Variants in IDE observed in about 807,000 individuals in gnomAD.
IDE encodes the protein insulin-degrading enzyme.
In IDE, 58 loss-of-function variants were observed where a neutral mutation model predicts 133.2. The ratio of observed to expected loss-of-function variants is 0.44; its 90% CI spans 0.35 to 0.54. The LOEUF is 0.54. IDE is among the 20% of genes least tolerant of loss of function. The pLI, the probability that IDE is intolerant of heterozygous loss-of-function variation, is 0.00. For missense variants in IDE, 981 were observed against 1,234.0 expected (o/e 0.79, Z 3.07); for synonymous variants, 396 against 421.3 (o/e 0.94, Z 0.73).
At chr10:92,522,547 A>ATGGC (rs1164037142) in intron 4 of IDE, among the ~76,000 whole-genome samples, 13 of 152,300 alleles carry the variant, frequency 8.5e-5, no homozygotes, top group African/African-American at 3.1e-4. Flanking sequence ...TTCCCCTTGA[A>ATGGC]TGGCTCTTCC....
chr10:92,546,926 T>C (rs1162506723), intron 1 of IDE, among the ~76,000 whole-genome samples: 1 of 152,230 alleles, frequency 6.6e-6, no homozygotes, highest in African/African-American at 2.4e-5. Flanking sequence ...AGGATTTGAA[T>C]GAGAAAAATT....
intron 1 of IDE, 79 bp downstream of exon 1, chr10:92,573,843 G>GA (rs1843921699): frequency 4.9e-6 from 5 of 1,017,402 alleles, no homozygotes; most frequent in Non-Finnish European, 5.4e-6. Context: ...TTTAAGTGCT[G>GA]AATCACCACT....
At chr10:92,461,819 C>G (rs1309139952) in intron 21 of IDE, among the ~76,000 whole-genome samples, 6 of 152,078 alleles carry the variant, frequency 3.9e-5, no homozygotes, top group Non-Finnish European at 7.4e-5. Context: ...CGCCCGCCAC[C>G]ATGCCCAGCT....
At chr10:92,561,613 T>G (rs935251211) in intron 1 of IDE, among the ~76,000 whole-genome samples, 4 of 148,612 alleles carry the variant, frequency 2.7e-5, no homozygotes, top group African/African-American at 1.0e-4. Flanking sequence ...AAAAAAAAAA[T>G]TAGCTGGGCG....
intron 4 of IDE, 44 bp downstream of exon 4, chr10:92,531,704 G>C (rs547383798): frequency 8.4e-7 from 1 of 1,193,470 alleles, no homozygotes; most frequent in African/African-American, 1.5e-5. Flanking sequence ...CTATGCAGTG[G>C]CCATGGGTTT....
chr10:92,559,261 G>A (rs563179510), intron 1 of IDE: 3 of 152,274 alleles, frequency 2.0e-5, no homozygotes, highest in African/African-American at 7.2e-5. Context: ...TAGCAATTCC[G>A]CTCCTATGCA....
chr10:92,506,359 ATT>A (rs1848292766), intron 10 of IDE, 81 bp downstream of exon 10: 1 of 626,886 alleles, frequency 1.6e-6, no homozygotes. Context: ...AATTGTAATC[ATT>A]CACTTATTAC....
Position 92,508,176 on chromosome 10 carries a change from T to C in IDE, c.1090A>G (p.Lys364Glu), listed in dbSNP as rs1282676857. 5 of 1,613,868 alleles carry C rather than the reference T, an allele frequency of 3.1e-6. No homozygotes were observed. In the African/African-American group the frequency reaches 4.0e-5, roughly 13 times the overall value. ...GWVNTLVGGQ[K>E]EGARGFMFFI... ...AACATAAAACCTCGGGCTCCTTCCTTCTGCCCACCAACAAGAGTATTAACC... is the reference window on the plus strand; with the variant it reads ...AACATAAAACCTCGGGCTCCTTCCTCCTGCCCACCAACAAGAGTATTAACC... Residue 364 changes from lysine to glutamate, a missense_variant, in exon 8 of 25, where the codon AAG becomes GAG. Lys to Glu is a moderately conservative substitution (Grantham distance 56). Around this residue, in one of 2 missense-constraint regions of IDE, gnomAD observed 660 missense variants for 894.7 expected, o/e 0.74. Coordinates refer to ENST00000265986, the MANE Select transcript of IDE (RefSeq NM_004969.4).
intron 1 of IDE, among the ~76,000 whole-genome samples, chr10:92,542,724 T>C (rs570304473): frequency 2.7e-4 from 41 of 152,316 alleles, no homozygotes; most frequent in Non-Finnish European, 4.9e-4. Context: ...AGGGAATTCG[T>C]GAGCGAAGCC....
chr10:92,568,326 T>C (rs889354269), intron 1 of IDE, among the ~76,000 whole-genome samples: 1 of 152,152 alleles, frequency 6.6e-6, no homozygotes, highest in Non-Finnish European at 1.5e-5. Context: ...ATGACTGCCA[T>C]TCAGCAGTGA....
intron 4 of IDE, among the ~76,000 whole-genome samples, chr10:92,529,535 T>G (rs1849801196): frequency 6.6e-6 from 1 of 152,220 alleles, no homozygotes; most frequent in Non-Finnish European, 1.5e-5. Flanking sequence ...CCATGCAATG[T>G]ATCTCTTTGC....
rs1490994353 is a variant in IDE, at chr10:92,452,346, A to C, written c.*2098T>G. On this transcript the variant is annotated 3_prime_UTR_variant, in exon 25 of 25. Transcript: ENST00000265986. ...TTTCACATCAACTGGTCAAAAAAGAAGACTTTCTTAAGAAGCCTCAGGTAA... is the reference window on the plus strand; with the variant it reads ...TTTCACATCAACTGGTCAAAAAAGACGACTTTCTTAAGAAGCCTCAGGTAA... 6.6e-6 allele frequency: 1 copy of C among 152,246 alleles called. No homozygotes were observed. Among genetic ancestry groups the C allele is most frequent in the Admixed American group, 6.5e-5 (1 of 15,284 alleles). 9.4% of individuals were successfully genotyped at this position (152,246 alleles called of 1,614,324 possible).
chr10:92,556,269 T>C (rs1000521126), intron 1 of IDE, among the ~76,000 whole-genome samples: 2 of 151,834 alleles, frequency 1.3e-5, no homozygotes, highest in Non-Finnish European at 2.9e-5. Flanking sequence ...ATCAATTGTA[T>C]TTCCATACAG....
rs765538082 is a variant in IDE, at chr10:92,479,635, G to A, written c.1740-214C>T. ...AGTGTGTGTGTGTGTGTGTGCATGC[G>A]TGCGTGTGTGCGTGCGCACTGGTAG... is the stretch of plus-strand genomic sequence containing the variant. On this transcript the variant is annotated intron_variant, in intron 14 of 24. Coordinates refer to ENST00000265986, the MANE Select transcript of IDE (RefSeq NM_004969.4). The A allele has an allele frequency of 2.9e-5, 13 of 455,220 alleles. 1 individual carries two copies. Among genetic ancestry groups the A allele is most frequent in the East Asian group, 1.0e-4 (3 of 29,380 alleles). 28.2% of individuals were successfully genotyped at this position (455,220 alleles called of 1,614,324 possible). A position where few individuals can be genotyped will look rare whatever the true frequency, so the allele number is the denominator to read the frequency against.
chr10:92,565,309 C>T (rs1488877687), intron 1 of IDE, among the ~76,000 whole-genome samples: 6 of 147,058 alleles, frequency 4.1e-5, no homozygotes, highest in Non-Finnish European at 8.9e-5. Context: ...ATTGCAGCTA[C>T]TCAGGAGGCT....
chr10:92,508,696 G>A, intron 7 of IDE, 32 bp downstream of exon 7: 2 of 1,597,654 alleles, frequency 1.3e-6, no homozygotes. Flanking sequence ...AGATGTGGTG[G>A]ACACTCAGAA....
rs56377277 is a variant in IDE, at chr10:92,488,932, TAAA to T, written c.1533+1558_1533+1560del. ...CTAATTTATAAGGCTTTTCATTATT[TAAA>T]AAAAAAAAAAAAAAAAAAAAGCAAC... On this transcript the variant is annotated intron_variant, in intron 12 of 24. Transcript: ENST00000265986. Among the ~76,000 whole-genome samples, 353 of 78,976 alleles carry T rather than the reference TAAA, an allele frequency of 4.5e-3. 5 individuals carry two copies. The East Asian group carries it at 0.054, about 12-fold the overall frequency. The allele number at this position is 78,976 out of a possible 152,430, so 51.8% of individuals were successfully genotyped here. A position where few individuals can be genotyped will look rare whatever the true frequency, so the allele number is the denominator to read the frequency against.
chr10:92,569,910 G>C (rs1843710981), intron 1 of IDE, among the ~76,000 whole-genome samples: 1 of 152,126 alleles, frequency 6.6e-6, no homozygotes, highest in South Asian at 2.1e-4. Context: ...AGGAGTTCAA[G>C]ACCAGCCTGG....
At chr10:92,541,085 C>A (rs1316104655) in intron 1 of IDE, among the ~76,000 whole-genome samples, 1 of 152,126 alleles carries the variant, frequency 6.6e-6, no homozygotes, top group Non-Finnish European at 1.5e-5. Context: ...ATTAGTCCAA[C>A]TACTAGTGTA....
Sources: allele counts gnomAD v4.1 joint callset (sites outside exome capture counted in the v4.1 genomes callset), GRCh38; gene constraint gnomAD v4.1.1; regional missense constraint gnomAD v4.1.1; transcripts MANE v1.5; gene names NCBI Gene and HGNC (gene_info 2026-07-23, HGNC 2026-07-21).